Variants in PDE1C observed in about 807,000 individuals in gnomAD.
The protein encoded by PDE1C is dual specificity calcium/calmodulin-dependent 3',5'-cyclic nucleotide phosphodiesterase 1C.
PDE1C carries 62 observed loss-of-function variants against 93.1 expected under a neutral mutation model. The observed-to-expected ratio is 0.67, with a 90% CI of 0.54 to 0.82. The LOEUF (loss-of-function observed/expected upper bound fraction) is 0.82, where lower values mean the gene tolerates loss of function less well. Ranked by LOEUF, PDE1C falls within the 40% of genes least tolerant of loss-of-function variation. The pLI, the probability that PDE1C is intolerant of heterozygous loss-of-function variation, is 0.00. For synonymous variants in PDE1C, 325 were observed against 310.1 expected (o/e 1.05, Z -0.50); for missense variants, 742 against 884.6 (o/e 0.84, Z 2.04).
intron 7 of PDE1C, among the ~76,000 whole-genome samples, chr7:31,855,512 C>T (rs1232326654): frequency 1.3e-5 from 2 of 151,960 alleles, no homozygotes; most frequent in Non-Finnish European, 2.9e-5. Flanking sequence ...ACACATGTGA[C>T]ACCAGAGAAC....
At chr7:31,673,712 GTTT>G in the PDE1C span, among the ~76,000 whole-genome samples, 6 of 148,956 alleles carry the variant, frequency 4.0e-5, no homozygotes, top group South Asian at 4.2e-4. Context: ...GTAGAAACTA[GTTT>G]TTTTTTTTTT....
At chr7:31,928,038 C>G (rs561562115) in intron 2 of PDE1C, among the ~76,000 whole-genome samples, 1 of 152,072 alleles carries the variant, frequency 6.6e-6, no homozygotes, top group Middle Eastern at 3.4e-3. Context: ...AGCTAAGAAC[C>G]TTGATAAAAG....
At position 32,414,628 on chromosome 7, in the gene PDE1C, T is replaced by TCAGAA. The variant is rs1196892168; in HGVS notation, c.310+13193_310+13194insTTCTG. Among the ~76,000 whole-genome samples, 221 of 152,318 alleles carry TCAGAA rather than the reference T, an allele frequency of 1.5e-3. 2 individuals are homozygous for TCAGAA. Among genetic ancestry groups the TCAGAA allele is most frequent in the Non-Finnish European group, 2.6e-4 (18 of 68,016 alleles). On this transcript the variant is annotated intron_variant, in intron 1 of 1. Coordinates refer to the PDE1C transcript ENST00000672256. ...GCATTTGGTAGCATCAAGTATCTCC[T>TCAGAA]TTCCAGCTGATCAGAATGGCAACTT...
chr7:31,734,792 C>T, the PDE1C span, among the ~76,000 whole-genome samples: 1 of 152,128 alleles, frequency 6.6e-6, no homozygotes, highest in Admixed American at 6.5e-5. Context: ...AAAAAAATTT[C>T]TTCTTTATAT....
At chr7:31,800,536 T>C (rs1478094133) in intron 16 of PDE1C, among the ~76,000 whole-genome samples, 1 of 151,558 alleles carries the variant, frequency 6.6e-6, no homozygotes, top group Middle Eastern at 3.2e-3. Context: ...TAAAAATAAA[T>C]AGTCCATACA....
intron 1 of PDE1C, among the ~76,000 whole-genome samples, chr7:32,314,235 A>G (rs528024940): frequency 9.9e-5 from 15 of 152,188 alleles, no homozygotes; most frequent in Non-Finnish European, 2.1e-4. Context: ...GAGGAGGTGA[A>G]AATTGCATTA....
intron 2 of PDE1C, among the ~76,000 whole-genome samples, chr7:31,923,216 T>C (rs1262127708): frequency 6.6e-6 from 1 of 152,116 alleles, no homozygotes; most frequent in Non-Finnish European, 1.5e-5. Flanking sequence ...TCTTCTGATT[T>C]TGGACTGAGT....
rs572205547 is a variant in PDE1C at position 32,258,442 on chromosome 7, T to A, written c.85+40209A>T. On this transcript the variant is annotated intron_variant, in intron 1 of 18. Coordinates refer to the PDE1C transcript ENST00000396193. ...CAATGACTCACTCACCAACACATAT[T>A]CCATGCACTTCCCTTCTTGCCCATG... 7.9e-5 allele frequency among the ~76,000 whole-genome samples: 12 copies of A among 152,248 alleles called. No individual in the cohort carries two copies. The East Asian group carries it at 2.3e-3, about 29-fold the overall frequency.
chr7:31,980,299 T>C (rs1021698735), intron 2 of PDE1C, among the ~76,000 whole-genome samples: 2 of 152,228 alleles, frequency 1.3e-5, no homozygotes, highest in African/African-American at 4.8e-5. Flanking sequence ...TAGAATAATA[T>C]TTAATTTCAG....
chr7:31,679,452 C>T, the PDE1C span, among the ~76,000 whole-genome samples: 1 of 152,176 alleles, frequency 6.6e-6, no homozygotes, highest in African/African-American at 2.4e-5. Flanking sequence ...ACAAAAGAGG[C>T]AAAGTCCTAA....
chr7:32,000,215 C>T (rs1202454819), intron 2 of PDE1C, among the ~76,000 whole-genome samples: 1 of 152,144 alleles, frequency 6.6e-6, no homozygotes, highest in Admixed American at 6.6e-5. Flanking sequence ...CTCAGATTTC[C>T]TCATCTGTAA....
intron 2 of PDE1C, among the ~76,000 whole-genome samples, chr7:31,924,320 C>T (rs1803057080): frequency 1.3e-5 from 2 of 152,076 alleles, no homozygotes; most frequent in Admixed American, 6.6e-5. Context: ...AACTATTCTC[C>T]CAAATGATGG....
chr7:32,378,275 C>T (rs1784468728), intron 1 of PDE1C, among the ~76,000 whole-genome samples: 1 of 152,186 alleles, frequency 6.6e-6, no homozygotes, highest in Non-Finnish European at 1.5e-5. Flanking sequence ...AGATTCTTCT[C>T]AAATGCCGAT....
intron 2 of PDE1C, among the ~76,000 whole-genome samples, chr7:32,002,401 A>T (rs1785587208): frequency 6.6e-6 from 1 of 152,160 alleles, no homozygotes; most frequent in Non-Finnish European, 1.5e-5. Flanking sequence ...CACCTAGTTG[A>T]AGGTAGTCTC....
At chr7:32,301,049 G>A (rs908949213), upstream of PDE1C, among the ~76,000 whole-genome samples, 5 of 152,112 alleles carry the variant, frequency 3.3e-5, no homozygotes, top group Admixed American at 6.6e-5. Flanking sequence ...ATGTTGCCAA[G>A]GCTTGTCTCG....
rs552487879 is a variant in PDE1C at position 31,998,331 on chromosome 7, T to C, written c.128+53223A>G. On this transcript the variant is annotated intron_variant, in intron 2 of 17. Coordinates refer to ENST00000396191, the MANE Select transcript of PDE1C (RefSeq NM_001191057.4). ...ACCACACCCAGCCAGAAACGTCTTA[T>C]TTTTAATAGCATTGTCACCAGATGG... Among the ~76,000 whole-genome samples the C allele has an allele frequency of 2.0e-5, 3 of 152,328 alleles. No individual in the cohort carries two copies. In the South Asian group the frequency reaches 6.2e-4, roughly 32 times the overall value.
chr7:32,300,774 G>C (rs1480280285), upstream of PDE1C, among the ~76,000 whole-genome samples: 1 of 152,166 alleles, frequency 6.6e-6, no homozygotes. Flanking sequence ...TATAGGTGAA[G>C]AGAATTTTTA....
At chr7:31,642,765 C>T in the PDE1C span, 3 of 1,613,852 alleles carry the variant, frequency 1.9e-6, no homozygotes, top group Admixed American at 1.7e-5. Flanking sequence ...TAGTATCATC[C>T]CAGGACTGTC....
At chr7:32,046,117 T>C (rs1044949761) in intron 2 of PDE1C, among the ~76,000 whole-genome samples, 6 of 152,076 alleles carry the variant, frequency 3.9e-5, no homozygotes, top group African/African-American at 1.4e-4. Context: ...TATCTATATG[T>C]ACAATATCCA....
Sources: gnomAD v4.1 joint callset for allele counts (sites outside exome capture counted in the v4.1 genomes callset) on GRCh38, gnomAD v4.1.1 for gene constraint, MANE v1.5 for transcripts, NCBI Gene and HGNC (gene_info 2026-07-23, HGNC 2026-07-21) for gene names.